CYB5R4: variants seen among roughly 807,000 people sequenced by gnomAD.
CYB5R4 encodes cytochrome b5 reductase 4.
Under a neutral mutation model 70.2 loss-of-function variants are expected in CYB5R4, and 55 were observed. That is an observed-to-expected ratio of 0.78 (90% CI 0.63 to 0.98). The LOEUF is 0.98. Among genes scored for constraint, CYB5R4 ranks in the 50% least tolerant of loss-of-function variants. The pLI is 0.00. For missense variants in CYB5R4, 562 were observed against 612.6 expected, an observed-to-expected ratio of 0.92 and a Z score of 0.87; for synonymous variants, 197 against 199.5, an observed-to-expected ratio of 0.99 and a Z score of 0.11.
chr6:83,905,303 C>T (rs201918319), intron 3 of CYB5R4, among the ~76,000 whole-genome samples: 6 of 152,308 alleles, frequency 3.9e-5, no homozygotes, highest in South Asian at 4.1e-4. Context: ...GTGATCTTCC[C>T]GCCTCGGCCT....
Position 83,936,242 on chromosome 6 carries a change from C to CA in CYB5R4, c.975dup (p.Tyr326IlefsTer21), listed in dbSNP as rs759907935. On this transcript the variant is annotated frameshift_variant, in exon 12 of 16. Transcript: ENST00000369681. LOFTEE classifies it high-confidence loss of function. ...TTTCTAGGTACAGAAATAGTAAAGC[C>CA]ATATACACCTGTATCTGGTTCCTTA... 1 of 1,572,568 alleles carries CA rather than the reference C, an allele frequency of 6.4e-7. No individual in the cohort carries two copies. Among genetic ancestry groups the CA allele is most frequent in the African/African-American group, 1.4e-5 (1 of 71,990 alleles).
At chr6:83,939,860 T>G (rs1039881226) in intron 12 of CYB5R4, among the ~76,000 whole-genome samples, 196 bp from the exon 13 acceptor site, 1 of 152,186 alleles carries the variant, frequency 6.6e-6, no homozygotes, top group African/African-American at 2.4e-5. Flanking sequence ...CAGACATACT[T>G]AGGGGCCTAA....
intron 2 of CYB5R4, among the ~76,000 whole-genome samples, chr6:83,884,025 G>A (rs1261461872): frequency 6.6e-6 from 1 of 151,906 alleles, no homozygotes; most frequent in African/African-American, 2.4e-5. Flanking sequence ...CCAAAAGAAG[G>A]CAGGGAAAGA....
Position 83,948,833 on chromosome 6 carries a change from C to T in CYB5R4, c.1347-6465C>T, listed in dbSNP as rs1039189991. Among the ~76,000 whole-genome samples the T allele has an allele frequency of 2.6e-5, 4 of 151,996 alleles. No individual in the cohort carries two copies. In the East Asian group the frequency reaches 5.8e-4, roughly 22 times the overall value. ...GGAGTTTTGAGGATGAGGAAAGGCC[C>T]CTTTTTTTTTCATGTCTGGATGCCT... On this transcript the variant is annotated intron_variant, in intron 14 of 15. Coordinates refer to ENST00000369681, the MANE Select transcript of CYB5R4 (RefSeq NM_016230.4).
rs2099473669 is a variant in CYB5R4 at position 83,963,799 on chromosome 6, C to G, written c.*3921C>G. The G allele has an allele frequency of 6.6e-6, 1 of 152,438 alleles. No individual in the cohort carries two copies. Among genetic ancestry groups the G allele is most frequent in the African/African-American group, 2.4e-5 (1 of 41,436 alleles). The allele number at this position is 152,438 out of a possible 1,614,324, so 9.4% of individuals were successfully genotyped here. A position where few individuals can be genotyped will look rare whatever the true frequency, so the allele number is the denominator to read the frequency against. ...TTTGGCTCTGTGTCACCACCCAAAT[C>G]TCATCTTGAATTGTACTCTCATAAT... On this transcript the variant is annotated 3_prime_UTR_variant, in exon 16 of 16. Coordinates refer to ENST00000369681, the MANE Select transcript of CYB5R4 (RefSeq NM_016230.4).
At chr6:83,930,762 C>T (rs557177480) in intron 10 of CYB5R4, among the ~76,000 whole-genome samples, 5 of 151,028 alleles carry the variant, frequency 3.3e-5, no homozygotes, top group South Asian at 2.1e-4. Context: ...ATTTGAAGCC[C>T]GCTGTTGAGA....
At chr6:83,928,908 A>G (rs890561154) in intron 10 of CYB5R4, among the ~76,000 whole-genome samples, 3 of 152,158 alleles carry the variant, frequency 2.0e-5, no homozygotes, top group Admixed American at 6.5e-5. Context: ...TCATTCAGAT[A>G]TTCTCTGTAA....
chr6:83,874,953 G>A (rs2099458295), intron 2 of CYB5R4, among the ~76,000 whole-genome samples: 1 of 151,970 alleles, frequency 6.6e-6, no homozygotes, highest in African/African-American at 2.4e-5. Context: ...CTCCTGAGTA[G>A]CTGGGATAAC....
chr6:83,916,706 CT>C (rs1391354378), intron 5 of CYB5R4, among the ~76,000 whole-genome samples: 2 of 152,120 alleles, frequency 1.3e-5, no homozygotes, highest in Non-Finnish European at 1.5e-5. Context: ...GGACTCAGGG[CT>C]CACCATCAGC....
At chr6:83,938,223 G>T in intron 12 of CYB5R4, among the ~76,000 whole-genome samples, 1 of 152,228 alleles carries the variant, frequency 6.6e-6, no homozygotes, top group Non-Finnish European at 1.5e-5. Flanking sequence ...AAGGACTGAC[G>T]CATGATTGTA....
At chr6:83,923,841 G>A (rs1201275827) in intron 9 of CYB5R4, among the ~76,000 whole-genome samples, 2 of 151,664 alleles carry the variant, frequency 1.3e-5, no homozygotes, top group South Asian at 2.1e-4. Context: ...TGACATGGGC[G>A]GATCTCGAGG....
chr6:83,866,231 G>T (rs1036203443), intron 2 of CYB5R4, among the ~76,000 whole-genome samples: 2 of 152,200 alleles, frequency 1.3e-5, no homozygotes, highest in Non-Finnish European at 2.9e-5. Flanking sequence ...TTAGAATACA[G>T]TTAGACTTTA....
rs34865790 is a variant in CYB5R4 at position 83,909,138 on chromosome 6, A to AT, written c.412+57dup. 1,153 of 1,474,954 alleles carry AT rather than the reference A, an allele frequency of 7.8e-4. 1 individual carries two copies. Among genetic ancestry groups the AT allele is most frequent in the African/African-American group, 6.9e-3 (495 of 71,642 alleles). 91.4% of individuals were successfully genotyped at this position (1,474,954 alleles called of 1,614,324 possible). ...CAGCATGGATGTGTGGTGCACATGT[A>AT]TTTTTTTTTAACTTGGATTTAAACA... On this transcript the variant is annotated intron_variant, in intron 4 of 15. Transcript: ENST00000369681.
Position 83,859,859 on chromosome 6 carries a change from T to TA in CYB5R4, c.75+4dup. ...GTCGCCTCCGGGGGGCGTAGCAAGG[T>TA]AAGCGGGTGGCTCCGTGAGTCTCTC... On this transcript the variant is annotated splice_region_variant and intron_variant, in intron 1 of 15. Coordinates refer to ENST00000369681, the MANE Select transcript of CYB5R4 (RefSeq NM_016230.4). 6.2e-7 allele frequency: 1 copy of TA among 1,610,868 alleles called. No individual in the cohort carries two copies. The highest frequency in any genetic ancestry group is 8.5e-7 in the Non-Finnish European group (1 of 1,178,928).
At chr6:83,924,669 G>A (rs1384928757) in intron 10 of CYB5R4, 77 bp downstream of exon 10, 2 of 1,499,304 alleles carry the variant, frequency 1.3e-6, no homozygotes, top group African/African-American at 2.8e-5. Flanking sequence ...CCAGAGTTTG[G>A]AAGGCTGCTT....
At chr6:83,934,944 A>G (rs530076987) in intron 11 of CYB5R4, among the ~76,000 whole-genome samples, 110 of 152,296 alleles carry the variant, frequency 7.2e-4, no homozygotes, top group Non-Finnish European at 1.2e-3. Flanking sequence ...TGGAACAAAG[A>G]TATTGCCAGT....
rs539882255 is a variant in CYB5R4, at chr6:83,875,697, T to C, written c.229+11369T>C. 7.9e-5 allele frequency among the ~76,000 whole-genome samples: 12 copies of C among 152,328 alleles called. 1 individual carries two copies. In the South Asian group the frequency reaches 2.3e-3, roughly 29 times the overall value. ...AACGCATCCACCCTAGGTACAATGC[T>C]TGTATACATGTGGAGATGTGCTCTG... On this transcript the variant is annotated intron_variant, in intron 2 of 15. Transcript: ENST00000369681.
At chr6:83,901,830 T>A (rs926220362) in intron 3 of CYB5R4, among the ~76,000 whole-genome samples, 1 of 152,126 alleles carries the variant, frequency 6.6e-6, no homozygotes, top group African/African-American at 2.4e-5. Context: ...CTATTTGTCA[T>A]CTTTTGAGAA....
chr6:83,918,985 C>T lies in CYB5R4; in HGVS notation c.507-412C>T, dbSNP rs61763823. Reference sequence around the variant, plus strand: ...TTTCACTATGGACCCATTAAACAACCTTGATGAGTTCATTTCTTCACTACT... The same window carrying T: ...TTTCACTATGGACCCATTAAACAACTTTGATGAGTTCATTTCTTCACTACT... On this transcript the variant is annotated intron_variant, in intron 6 of 15. Transcript: ENST00000369681. 1.0e-3 allele frequency among the ~76,000 whole-genome samples: 153 copies of T among 152,194 alleles called. 1 individual carries two copies. The highest frequency in any genetic ancestry group is 3.6e-3 in the African/African-American group (148 of 41,546).
Sources: gnomAD v4.1 joint callset for allele counts (sites outside exome capture counted in the v4.1 genomes callset) on GRCh38, gnomAD v4.1.1 for gene constraint, MANE v1.5 for transcripts, NCBI Gene and HGNC (gene_info 2026-07-23, HGNC 2026-07-21) for gene names.